GSTM5: variants seen among roughly 807,000 people sequenced by gnomAD.
GSTM5 encodes GST class-mu 5.
GSTM5 carries 24 observed loss-of-function variants against 29.0 expected under a neutral mutation model. The observed-to-expected ratio is 0.83, with a 90% CI of 0.60 to 1.16. GSTM5 has a LOEUF of 1.16. Ranked by LOEUF, GSTM5 falls within the 50% of genes most tolerant of loss-of-function variation. The probability of loss-of-function intolerance (pLI) is 0.00; values close to 1 mark genes in which losing one functional copy is unlikely to be tolerated. For synonymous variants in GSTM5, 91 were observed against 93.6 expected (o/e 0.97, Z 0.16); for missense variants, 290 against 263.0 (o/e 1.10, Z -0.71).
At chr1:109,713,883 T>C in intron 5 of GSTM5, 122 bp downstream of exon 5, 1 of 483,992 alleles carries the variant, frequency 2.1e-6, no homozygotes, top group Admixed American at 2.5e-5. Context: ...GTCTATAACC[T>C]GGTTCTCCAA....
rs763750062 is a variant in GSTM5 at position 109,712,328 on chromosome 1, G to C, written c.16G>C (p.Gly6Arg). 2.5e-6 allele frequency: 4 copies of C among 1,614,136 alleles called. No homozygotes were observed. Among genetic ancestry groups the C allele is most frequent in the South Asian group, 1.1e-5 (1 of 91,076 alleles). The change falls in exon 1 of 8, where the codon GGG becomes CGG. Residue 6 changes from glycine (G) to arginine (R), a missense_variant. Physicochemically the swap from Gly to Arg is moderately radical, Grantham distance 125. Transcript: ENST00000256593. ...AACCAGCACCATGCCCATGACTCTG[G>C]GGTACTGGGACATCCGTGGGGTAAG... MPMTL[G>R]YWDIRGLAHA...
chr1:109,715,178 A>G lies in GSTM5; in HGVS notation c.505A>G (p.Ile169Val). Reference sequence around the variant, plus strand: ...CTATGATGTCCTTGACATGAAGCGTATATTTGAGCCCAAGTGCTTGGACGC... The same window carrying G: ...CTATGATGTCCTTGACATGAAGCGTGTATTTGAGCCCAAGTGCTTGGACGC... ...LAYDVLDMKR[I>V]FEPKCLDAFL... The change falls in exon 7 of 8, where the codon ATA (isoleucine) becomes GTA (valine). Residue 169 changes from isoleucine to valine, a missense_variant. Physicochemically the swap from Ile to Val is conservative, Grantham distance 29 (BLOSUM62 3). Coordinates refer to ENST00000256593, the MANE Select transcript of GSTM5 (RefSeq NM_000851.4). The G allele has an allele frequency of 6.2e-7, 1 of 1,614,156 alleles. No individual in the cohort carries two copies. The highest frequency in any genetic ancestry group is 8.5e-7 in the Non-Finnish European group (1 of 1,180,030).
At position 109,717,464 on chromosome 1, in the gene GSTM5, C is replaced by T; in HGVS notation, c.*38C>T. On this transcript the variant is annotated 3_prime_UTR_variant, in exon 8 of 8. Transcript: ENST00000256593. Reference sequence around the variant, plus strand: ...CCAGAAGATGGGAGGGAGGAGCCAACCTTGCTGCCTGCGACCCTGGAGGAC... The same window carrying T: ...CCAGAAGATGGGAGGGAGGAGCCAATCTTGCTGCCTGCGACCCTGGAGGAC... The T allele has an allele frequency of 6.9e-7, 1 of 1,449,492 alleles. No individual in the cohort carries two copies. Among genetic ancestry groups the T allele is most frequent in the Non-Finnish European group, 9.7e-7 (1 of 1,029,954 alleles). 89.8% of individuals were successfully genotyped at this position (1,449,492 alleles called of 1,614,324 possible).
rs774082011 is a variant in GSTM5, at chr1:109,712,341, TCCGTGGGGTAA to T, written c.30_36+4del. ...CCCATGACTCTGGGGTACTGGGACATCCGTGGGGTAAGCGAGGGTCCTCTGGTGGGTGGGAC... is the reference window on the plus strand; with the variant it reads ...CCCATGACTCTGGGGTACTGGGACATGCGAGGGTCCTCTGGTGGGTGGGAC... On this transcript the variant is annotated splice_donor_variant and splice_donor_region_variant and coding_sequence_variant and intron_variant, in exon 1 of 8. Coordinates refer to ENST00000256593, the MANE Select transcript of GSTM5 (RefSeq NM_000851.4). LOFTEE classifies it high-confidence loss of function. 4 of 1,613,808 alleles carry T rather than the reference TCCGTGGGGTAA, an allele frequency of 2.5e-6. No homozygotes were observed. The African/African-American group carries it at 5.3e-5, about 22-fold the overall frequency.
intron 2 of GSTM5, chr1:109,712,917 C>G: frequency 1.2e-6 from 1 of 856,142 alleles, no homozygotes. Flanking sequence ...TCAGAGCTTC[C>G]CTAAACCCTG....
rs200790981 is a variant in GSTM5, at chr1:109,713,109, C to T, written c.113-10C>T. On this transcript the variant is annotated splice_polypyrimidine_tract_variant and intron_variant, in intron 2 of 7. Coordinates refer to ENST00000256593, the MANE Select transcript of GSTM5 (RefSeq NM_000851.4). ...TGGGGAGGTTTGTTTTCACTTCTTC[C>T]CCACCACAGCTCCTGACTATGACAG... 56 of 1,612,196 alleles carry T rather than the reference C, an allele frequency of 3.5e-5. No individual in the cohort carries two copies. The highest frequency in any genetic ancestry group is 2.1e-4 in the Middle Eastern group (1 of 4,726).
chr1:109,712,654 G>T lies in GSTM5; in HGVS notation c.73G>T (p.Asp25Tyr), dbSNP rs200081331. The T allele has an allele frequency of 6.2e-7, 1 of 1,614,218 alleles. No homozygotes were observed. Among genetic ancestry groups the T allele is most frequent in the African/African-American group, 1.3e-5 (1 of 75,066 alleles). Residue 25 changes from aspartate (D) to tyrosine (Y), a missense_variant, in exon 2 of 8, where the codon GAC (aspartate) becomes TAC (tyrosine). Asp to Tyr is a radical substitution (Grantham distance 160). Coordinates refer to ENST00000256593, the MANE Select transcript of GSTM5 (RefSeq NM_000851.4). ...CATCCGCTTGCTCCTGGAATACACA[G>T]ACTCAAGCTATGTGGAAAAGAAGTA... ...HAIRLLLEYT[D>Y]SSYVEKKYTL...
intron 2 of GSTM5, 123 bp from the exon 3 acceptor site, chr1:109,712,996 G>C (rs550501798): frequency 1.8e-6 from 2 of 1,108,368 alleles, no homozygotes; most frequent in South Asian, 1.3e-5. Flanking sequence ...TGGGATGTGG[G>C]ACTGAGTGGT....
Position 109,714,614 on chromosome 1 carries a change from G to A in GSTM5, c.361-333G>A, listed in dbSNP as rs1279283698. 8.5e-6 allele frequency: 3 copies of A among 354,986 alleles called. No homozygotes were observed. The East Asian group carries it at 1.7e-4, about 20-fold the overall frequency. 22.0% of individuals were successfully genotyped at this position (354,986 alleles called of 1,614,324 possible). A position where few individuals can be genotyped will look rare whatever the true frequency, so the allele number is the denominator to read the frequency against. ...CTACTTCTTTCCCTGAGCTCCTTTA[G>A]TTCTTTGCATCCTTGATTCTGCCCC... On this transcript the variant is annotated intron_variant, in intron 5 of 7. Coordinates refer to ENST00000256593, the MANE Select transcript of GSTM5 (RefSeq NM_000851.4).
At chr1:109,714,220 G>A (rs561770299) in intron 5 of GSTM5, 95 of 160,824 alleles carry the variant, frequency 5.9e-4, no homozygotes, top group Non-Finnish European at 1.0e-3. Flanking sequence ...GGCATCCCAC[G>A]GTGGAAATTC....
At chr1:109,714,677 A>C in intron 5 of GSTM5, 1 of 515,296 alleles carries the variant, frequency 1.9e-6, no homozygotes, top group South Asian at 2.5e-5. Flanking sequence ...TCGGGCGCTC[A>C]TGCGGCTGAC....
At position 109,712,991 on chromosome 1, in the gene GSTM5, T is replaced by C. The variant is rs1283838467; in HGVS notation, c.113-128T>C. On this transcript the variant is annotated intron_variant, in intron 2 of 7. Coordinates refer to ENST00000256593, the MANE Select transcript of GSTM5 (RefSeq NM_000851.4). ...GATTCTTTCTCCCTGAACCCTGGGA[T>C]GTGGGACTGAGTGGTCAGATTCTAG... 10 of 1,058,544 alleles carry C rather than the reference T, an allele frequency of 9.4e-6. No homozygotes were observed. In the East Asian group the frequency reaches 2.0e-4, roughly 22 times the overall value. The allele number at this position is 1,058,544 out of a possible 1,614,324, so 65.6% of individuals were successfully genotyped here.
chr1:109,715,084 CA>C, intron 6 of GSTM5, 42 bp downstream of exon 6: 1 of 1,613,980 alleles, frequency 6.2e-7, no homozygotes, highest in East Asian at 2.2e-5. Flanking sequence ...TGTTTTACTT[CA>C]TGTGTTTCGG....
intron 6 of GSTM5, 29 bp downstream of exon 6, chr1:109,715,071 A>T (rs1648696213): frequency 1.2e-6 from 2 of 1,614,028 alleles, no homozygotes; most frequent in Admixed American, 1.7e-5. Context: ...GGGGAATGAG[A>T]TCTGTTTTAC....
upstream of GSTM5, chr1:109,712,108 A>C: frequency 3.3e-6 from 2 of 604,796 alleles, no homozygotes; most frequent in Non-Finnish European, 3.0e-6. Context: ...CGCTCCCGGA[A>C]CCCTGGGGAC....
intron 7 of GSTM5, 37 bp from the exon 8 acceptor site, chr1:109,717,300 A>G: frequency 6.6e-7 from 1 of 1,526,152 alleles, no homozygotes; most frequent in Non-Finnish European, 9.1e-7. Context: ...CCTTCTAGAC[A>G]GCAGACCTGG....
At chr1:109,717,158 A>T in intron 7 of GSTM5, 179 bp from the exon 8 acceptor site, 1 of 528,456 alleles carries the variant, frequency 1.9e-6, no homozygotes, top group Non-Finnish European at 3.5e-6. Flanking sequence ...CATTACTTAA[A>T]GGAAGTTGGA....
upstream of GSTM5, among the ~76,000 whole-genome samples, chr1:109,711,774 C>G (rs35988844): frequency 0.35 from 50,845 of 147,110 alleles, 8,992 homozygotes; most frequent in East Asian, 0.67. Context: ...GAGTAGCTTT[C>G]GGATCAGAGG....
chr1:109,712,195 T>C (rs1648540159), upstream of GSTM5: 11 of 1,096,978 alleles, frequency 1.0e-5, no homozygotes, highest in Non-Finnish European at 1.5e-5. Context: ...TGTTTCGGGG[T>C]TGTGGCGGGC....
Sources: allele counts gnomAD v4.1 joint callset (sites outside exome capture counted in the v4.1 genomes callset), GRCh38; gene constraint gnomAD v4.1.1; transcripts MANE v1.5; gene names NCBI Gene and HGNC (gene_info 2026-07-23, HGNC 2026-07-21).